Variants in KIF1A observed in about 807,000 individuals in gnomAD.
KIF1A encodes the protein kinesin family member 1A, also known as kinesin-like protein KIF1A.
Under a neutral mutation model 227.3 loss-of-function variants are expected in KIF1A, and 46 were observed. The ratio of observed to expected loss-of-function variants is 0.20; its 90% CI spans 0.16 to 0.26. The LOEUF is 0.26. Among genes scored for constraint, KIF1A ranks in the 10% least tolerant of loss-of-function variants. KIF1A has a pLI of 1.00. For synonymous variants in KIF1A, 1,022 were observed against 1,012.8 expected (o/e 1.01, Z -0.17); for missense variants, 1,683 against 2,485.9 (o/e 0.68, Z 6.87).
intron 14 of KIF1A, chr2:240,771,309 C>A: frequency 1.5e-6 from 1 of 669,586 alleles, no homozygotes; most frequent in Non-Finnish European, 2.6e-6. Context: ...GCACAGCAGC[C>A]CTGCCAGGCC....
At chr2:240,779,723 C>G (rs2053361017) in intron 10 of KIF1A, among the ~76,000 whole-genome samples, 1 of 152,134 alleles carries the variant, frequency 6.6e-6, no homozygotes, top group Admixed American at 6.5e-5. Context: ...GTTCCTCACT[C>G]AGTTCCTCAC....
rs2055850545 is a variant in KIF1A at position 240,792,561 on chromosome 2, G to A, written c.107-3249C>T. 2.0e-5 allele frequency among the ~76,000 whole-genome samples: 3 copies of A among 152,046 alleles called. No individual in the cohort carries two copies. The South Asian group carries it at 6.2e-4, about 31-fold the overall frequency. On this transcript the variant is annotated intron_variant, in intron 2 of 48. Coordinates refer to ENST00000498729, the MANE Select transcript of KIF1A (RefSeq NM_001244008.2). The surrounding 1 kb of genome is among the most constrained non-coding windows in gnomAD (Gnocchi z 4.5). ...TGAGGAGTGGGGGGAGCTGGAAGAAGGGGGACGGGAAAGGAATGGAATACA... is the reference window on the plus strand; with the variant it reads ...TGAGGAGTGGGGGGAGCTGGAAGAAAGGGGACGGGAAAGGAATGGAATACA...
intron 33 of KIF1A, among the ~76,000 whole-genome samples, 177 bp from the exon 34 acceptor site, chr2:240,743,161 C>G (rs1244664763): frequency 1.3e-5 from 2 of 152,142 alleles, no homozygotes; most frequent in Non-Finnish European, 2.9e-5. Context: ...ACCCCAGCTC[C>G]CACCCCAGAG....
chr2:240,723,826 A>G (rs946551879), intron 41 of KIF1A, 149 bp downstream of exon 41: 1 of 805,554 alleles, frequency 1.2e-6, no homozygotes, highest in Non-Finnish European at 2.1e-6. Context: ...CTCTCCTCCC[A>G]TCTCAGAACA....
intron 18 of KIF1A, 91 bp downstream of exon 18, chr2:240,767,175 C>T: frequency 8.3e-7 from 1 of 1,209,244 alleles, no homozygotes; most frequent in Non-Finnish European, 1.2e-6. Context: ...CTCAGTGGCC[C>T]CTCTGCAGAA....
chr2:240,718,017 A>C, intron 48 of KIF1A, 33 bp downstream of exon 48: 1 of 1,439,120 alleles, frequency 6.9e-7, no homozygotes, highest in South Asian at 1.2e-5. Flanking sequence ...CAGGACCCCC[A>C]TGGCAGCAAC....
chr2:240,774,093 G>A (rs2052401937), intron 12 of KIF1A, 90 bp downstream of exon 12: 1 of 798,306 alleles, frequency 1.3e-6, no homozygotes. Context: ...GTCGCCCCTG[G>A]TCACTGGTGC....
intron 1 of KIF1A, among the ~76,000 whole-genome samples, chr2:240,809,335 T>G (rs771295864): frequency 2.0e-5 from 3 of 152,176 alleles, no homozygotes; most frequent in Middle Eastern, 3.2e-3. Flanking sequence ...CCCTATGATC[T>G]CGAGCCTTGG....
At chr2:240,753,912 C>G (rs1300888293) in intron 27 of KIF1A, among the ~76,000 whole-genome samples, 1 of 152,180 alleles carries the variant, frequency 6.6e-6, no homozygotes, top group Non-Finnish European at 1.5e-5. Flanking sequence ...GTGTGGACAC[C>G]AAGCTCCACC....
chr2:240,813,701 C>T (rs2058124422), intron 1 of KIF1A, among the ~76,000 whole-genome samples: 1 of 151,440 alleles, frequency 6.6e-6, no homozygotes, highest in Non-Finnish European at 1.5e-5. Flanking sequence ...CTGGTCAGAA[C>T]CACTCCGGGG....
chr2:240,754,820 G>T (rs1007336531), intron 27 of KIF1A, among the ~76,000 whole-genome samples: 2 of 152,150 alleles, frequency 1.3e-5, no homozygotes, highest in Non-Finnish European at 2.9e-5. Context: ...AGACAGAGGG[G>T]CCCCAGCCCA....
rs756159960 is a variant in KIF1A at position 240,745,418 on chromosome 2, G to A, written c.3465+9C>T. On this transcript the variant is annotated intron_variant, in intron 32 of 48. Transcript: ENST00000498729. ...TGGCAGGGATGGGGAGAAGTGCCCAGGAACGTACGTTCTGGACGTGGTAGA... is the reference window on the plus strand; with the variant it reads ...TGGCAGGGATGGGGAGAAGTGCCCAAGAACGTACGTTCTGGACGTGGTAGA... 6.2e-7 allele frequency: 1 copy of A among 1,605,364 alleles called. No individual in the cohort carries two copies. The highest frequency in any genetic ancestry group is 1.7e-5 in the Admixed American group (1 of 59,972).
In KIF1A at chr2:240,740,508, C is replaced by A; in HGVS notation, c.3750-144G>T. 1 of 686,624 alleles carries A rather than the reference C, an allele frequency of 1.5e-6. No individual in the cohort carries two copies. The highest frequency in any genetic ancestry group is 1.8e-5 in the South Asian group (1 of 54,914). The allele number at this position is 686,624 out of a possible 1,614,324, so 42.5% of individuals were successfully genotyped here. ...GATCAGGTGGTCTGATCCATGGAGA[C>A]CACGGTCAGCTGAGCACAGAAACCC... On this transcript the variant is annotated intron_variant, in intron 35 of 48. Coordinates refer to ENST00000498729, the MANE Select transcript of KIF1A (RefSeq NM_001244008.2). The surrounding 1 kb of genome is among the most constrained non-coding windows in gnomAD (Gnocchi z 6.1).
In KIF1A at chr2:240,792,733, A is replaced by T. The variant is rs1309632599; in HGVS notation, c.107-3421T>A. 6.6e-6 allele frequency among the ~76,000 whole-genome samples: 1 copy of T among 152,120 alleles called. No individual in the cohort carries two copies. The highest frequency in any genetic ancestry group is 1.5e-5 in the Non-Finnish European group (1 of 68,008). On this transcript the variant is annotated intron_variant, in intron 2 of 48. Coordinates refer to ENST00000498729, the MANE Select transcript of KIF1A (RefSeq NM_001244008.2). The surrounding 1 kb of genome is among the most constrained non-coding windows in gnomAD (Gnocchi z 4.5). ...ATGCCCTGACCCCCAACCAGCTGGC[A>T]TTTGGAAATGGGGCCTTGTGAAGTG...
At position 240,790,323 on chromosome 2, in the gene KIF1A, A is replaced by C. The variant is rs1279872554; in HGVS notation, c.107-1011T>G. ...GGAGCCCCCGGAGACCACCACCATCACATCAGCAAACCTGAAGAACGAAGC... is the reference window on the plus strand; with the variant it reads ...GGAGCCCCCGGAGACCACCACCATCCCATCAGCAAACCTGAAGAACGAAGC... On this transcript the variant is annotated intron_variant, in intron 2 of 48. Transcript: ENST00000498729. The surrounding 1 kb of genome is among the most constrained non-coding windows in gnomAD (Gnocchi z 5.0). Among the ~76,000 whole-genome samples the C allele has an allele frequency of 6.6e-6, 1 of 152,006 alleles. No homozygotes were observed. The highest frequency in any genetic ancestry group is 1.5e-5 in the Non-Finnish European group (1 of 68,008).
At chr2:240,796,719 G>A (rs938327448) in intron 2 of KIF1A, among the ~76,000 whole-genome samples, 2 of 152,122 alleles carry the variant, frequency 1.3e-5, no homozygotes, top group Admixed American at 6.5e-5. Context: ...AGAGCTCCAC[G>A]GGCTTCTGGA....
chr2:240,765,764 C>A lies in KIF1A; in HGVS notation c.1714G>T (p.Ala572Ser), dbSNP rs1335879104. The A allele has an allele frequency of 3.1e-6, 5 of 1,613,432 alleles. No individual in the cohort carries two copies. ...TTCTTGCCATTGACGTAGGTGTCTG[C>A]CCCCTCACAGGGCTCCAAGGTCACC... ...AVVTLEPCEG[A>S]DTYVNGKKVT... Residue 572 changes from alanine (A) to serine (S), a missense_variant, in exon 20 of 49, where the codon GCA becomes TCA. Physicochemically the swap from Ala to Ser is moderately conservative, Grantham distance 99. Around this residue, in one of 12 missense-constraint regions of KIF1A, gnomAD observed 217 missense variants for 427.0 expected, o/e 0.51. Transcript: ENST00000498729.
rs1429438464 is a variant in KIF1A, at chr2:240,787,236, G to A, written c.429+15C>T. Reference sequence around the variant, plus strand: ...AGCCCTGCCCCAGCGGCCAACGGCAGGCGGGGAGCCCTACCTCCACGGAGT... The same window carrying A: ...AGCCCTGCCCCAGCGGCCAACGGCAAGCGGGGAGCCCTACCTCCACGGAGT... On this transcript the variant is annotated intron_variant, in intron 5 of 48. Transcript: ENST00000498729. 8 of 1,609,346 alleles carry A rather than the reference G, an allele frequency of 5.0e-6. No homozygotes were observed. Among genetic ancestry groups the A allele is most frequent in the African/African-American group, 1.3e-5 (1 of 74,796 alleles).
At chr2:240,784,892 C>T (rs2054522764) in intron 7 of KIF1A, 97 bp downstream of exon 7, 12 of 968,102 alleles carry the variant, frequency 1.2e-5, no homozygotes, top group Middle Eastern at 4.4e-4. Flanking sequence ...CAGCATTGGG[C>T]CTGTCCTTGT....
Sources: gnomAD v4.1 joint callset for allele counts (sites outside exome capture counted in the v4.1 genomes callset) on GRCh38, gnomAD v4.1.1 for gene constraint, gnomAD v4.1.1 regional missense constraint, Gnocchi (gnomAD v3.1) non-coding constraint, MANE v1.5 for transcripts, NCBI Gene and HGNC (gene_info 2026-07-23, HGNC 2026-07-21) for gene names.